The following PLA2G15 variants were observed in gnomAD, a reference collection of about 807,000 sequenced individuals.
The protein encoded by PLA2G15 is phospholipase A2 group XV.
In PLA2G15, 20 loss-of-function variants were observed where a neutral mutation model predicts 40.9. That is an observed-to-expected ratio of 0.49 (90% CI 0.34 to 0.71). The LOEUF (loss-of-function observed/expected upper bound fraction) is 0.71. Ranked by LOEUF, PLA2G15 falls within the 30% of genes least tolerant of loss-of-function variation. The pLI is 0.01. For missense variants in PLA2G15, 471 were observed against 541.9 expected, an observed-to-expected ratio of 0.87 and a Z score of 1.30; for synonymous variants, 223 against 228.2, an observed-to-expected ratio of 0.98 and a Z score of 0.21.
intron 1 of PLA2G15, among the ~76,000 whole-genome samples, 199 bp from the exon 2 acceptor site, chr16:68,249,091 G>T (rs369730138): frequency 2.6e-5 from 4 of 152,192 alleles, no homozygotes; most frequent in Admixed American, 2.6e-4. Context: ...GCACAAAGAT[G>T]GTTCCCTGGC....
At position 68,254,969 on chromosome 16, in the gene PLA2G15, A is replaced by G; in HGVS notation, c.335A>G (p.Asp112Gly). Residue 112 changes from aspartate (D) to glycine (G), a missense_variant, in exon 3 of 6, where the codon GAT becomes GGT. Transcript: ENST00000219345. ...GCCACCCAGTTTCCTGATGGTGTGG[A>G]TGTACGTGTCCCTGGCTTTGGGAAG... ...SRATQFPDGV[D>G]VRVPGFGKTF... 1 of 1,614,048 alleles carries G rather than the reference A, an allele frequency of 6.2e-7. No homozygotes were observed. Among genetic ancestry groups the G allele is most frequent in the African/African-American group, 1.3e-5 (1 of 75,032 alleles).
chr16:68,248,741 A>G, intron 1 of PLA2G15: 1 of 991,798 alleles, frequency 1.0e-6, no homozygotes, highest in Non-Finnish European at 1.2e-6. Flanking sequence ...AGGTTCTGGA[A>G]TGCAAAGGGG....
Position 68,259,226 on chromosome 16 carries a change from C to T in PLA2G15, c.808C>T (p.Leu270=). Residue 270 remains leucine (L), a synonymous_variant, in exon 6 of 6, where the codon CTG becomes TTG. Coordinates refer to ENST00000219345, the MANE Select transcript of PLA2G15 (RefSeq NM_012320.4). The surrounding 1 kb of genome is among the most constrained non-coding windows in gnomAD (Gnocchi z 6.5). ...GTCAGCTGTCTCCACCAGCTGGCTG[C>T]TGCCCTACAACTACACATGGTCACC... ...QRSAVSTSWL[L]PYNYTWSPEK... is the part of the protein sequence containing the mutation. 6.2e-7 allele frequency: 1 copy of T among 1,613,824 alleles called. No individual in the cohort carries two copies. The highest frequency in any genetic ancestry group is 8.5e-7 in the Non-Finnish European group (1 of 1,180,000).
chr16:68,249,218 C>G lies in PLA2G15; in HGVS notation c.128-72C>G, dbSNP rs2042333888. The G allele has an allele frequency of 2.3e-6, 3 of 1,288,596 alleles. No individual in the cohort carries two copies. In the African/African-American group the frequency reaches 4.4e-5, roughly 19 times the overall value. The allele number at this position is 1,288,596 out of a possible 1,614,324, so 79.8% of individuals were successfully genotyped here. On this transcript the variant is annotated intron_variant, in intron 1 of 5. Coordinates refer to ENST00000219345, the MANE Select transcript of PLA2G15 (RefSeq NM_012320.4). ...CTGTGGCTCTTCAGGGGGTCTGCTG[C>G]AGACATCAAAGTTCTTGGGAGTCTT...
rs757822215 is a variant in PLA2G15, at chr16:68,255,947, G to A, written c.684G>A (p.Ala228=). ...KYIRAFVSLG[A]PWGGVAKTLR... is the part of the protein sequence containing the mutation. Reference sequence around the variant, plus strand: ...TCCGGGCCTTCGTGTCACTGGGTGCGCCCTGGGGGGGCGTGGCCAAGACCC... The same window carrying A: ...TCCGGGCCTTCGTGTCACTGGGTGCACCCTGGGGGGGCGTGGCCAAGACCC... Residue 228 remains alanine, a synonymous_variant, in exon 5 of 6, where the codon GCG becomes GCA. Transcript: ENST00000219345. This position sits in a 1 kb window ranked among gnomAD's most constrained non-coding sequence, Gnocchi z 5.9. 2.6e-5 allele frequency: 42 copies of A among 1,611,884 alleles called. No individual in the cohort carries two copies. The South Asian group carries it at 4.0e-4, about 15-fold the overall frequency.
intron 2 of PLA2G15, 185 bp from the exon 3 acceptor site, chr16:68,254,734 C>G: frequency 1.8e-6 from 1 of 567,854 alleles, no homozygotes; most frequent in Non-Finnish European, 3.1e-6. Context: ...CTCAGCCTCC[C>G]TAAGTGCTGG....
intron 2 of PLA2G15, among the ~76,000 whole-genome samples, chr16:68,250,125 G>A (rs2042341282): frequency 6.7e-6 from 1 of 149,682 alleles, no homozygotes; most frequent in South Asian, 2.1e-4. Flanking sequence ...TGTTCTTTTG[G>A]CCTGGAATCT....
intron 1 of PLA2G15, among the ~76,000 whole-genome samples, chr16:68,248,905 C>T (rs1330902652): frequency 1.3e-5 from 2 of 152,182 alleles, no homozygotes; most frequent in Non-Finnish European, 2.9e-5. Flanking sequence ...GGAGTGACTT[C>T]ACCCTGAACC....
At chr16:68,251,789 G>A (rs1457190367) in intron 2 of PLA2G15, among the ~76,000 whole-genome samples, 3 of 152,048 alleles carry the variant, frequency 2.0e-5, no homozygotes, top group Admixed American at 1.3e-4. Flanking sequence ...GAACCTGGGA[G>A]GCAGAGGTTG....
Position 68,255,037 on chromosome 16 carries a change from G to A in PLA2G15, c.403G>A (p.Gly135Ser). Reference sequence around the variant, plus strand: ...CCTGGACCCCAGCAAAAGCAGCGTGGGTATGTAGCCCTTACTCAAGGCCTC... The same window carrying A: ...CCTGGACCCCAGCAAAAGCAGCGTGAGTATGTAGCCCTTACTCAAGGCCTC... ...EFLDPSKSSVGSYFHTMVESL... is the reference protein window; with the variant it reads ...EFLDPSKSSVSSYFHTMVESL... Residue 135 changes from glycine (G) to serine (S), a missense_variant and splice_region_variant, in exon 3 of 6, where the codon GGT becomes AGT. Transcript: ENST00000219345. The surrounding 1 kb of genome is among the most constrained non-coding windows in gnomAD (Gnocchi z 5.9). 6.2e-7 allele frequency: 1 copy of A among 1,600,220 alleles called. No homozygotes were observed. Among genetic ancestry groups the A allele is most frequent in the South Asian group, 1.1e-5 (1 of 90,828 alleles).
Position 68,259,099 on chromosome 16 carries a change from C to T in PLA2G15, c.728-47C>T. ...CCTGGTGGTGAACATGCTGCCCAACCAGCTGGCATTCCTAAGCACAGACTG... is the reference window on the plus strand; with the variant it reads ...CCTGGTGGTGAACATGCTGCCCAACTAGCTGGCATTCCTAAGCACAGACTG... On this transcript the variant is annotated intron_variant, in intron 5 of 5. Transcript: ENST00000219345. The surrounding 1 kb of genome is among the most constrained non-coding windows in gnomAD (Gnocchi z 6.5). The T allele has an allele frequency of 1.3e-6, 2 of 1,547,324 alleles. No homozygotes were observed. Among genetic ancestry groups the T allele is most frequent in the Non-Finnish European group, 1.7e-6 (2 of 1,144,424 alleles).
chr16:68,246,212 C>T (rs1368497102), intron 1 of PLA2G15, among the ~76,000 whole-genome samples: 1 of 152,226 alleles, frequency 6.6e-6, no homozygotes, highest in Non-Finnish European at 1.5e-5. Context: ...TTGGACTAGA[C>T]TATGTGGAGG....
rs2042391911 is a variant in PLA2G15 at position 68,255,356 on chromosome 16, C to T, written c.478C>T (p.Pro160Ser). ...ACGGGGTGAGGATGTCCGAGGGGCT[C>T]CCTATGACTGGCGCCGAGCCCCAAG... ...YTRGEDVRGAPYDWRRAPNEN... is the reference protein window; with the variant it reads ...YTRGEDVRGASYDWRRAPNEN... The change falls in exon 4 of 6, where the codon CCC (proline) becomes TCC (serine). Residue 160 changes from proline to serine, a missense_variant. Coordinates refer to ENST00000219345, the MANE Select transcript of PLA2G15 (RefSeq NM_012320.4). This position sits in a 1 kb window ranked among gnomAD's most constrained non-coding sequence, Gnocchi z 5.9. The T allele has an allele frequency of 6.2e-7, 1 of 1,612,038 alleles. No homozygotes were observed. The highest frequency in any genetic ancestry group is 1.3e-5 in the African/African-American group (1 of 74,740).
At chr16:68,247,554 AC>A (rs2042319413) in intron 1 of PLA2G15, among the ~76,000 whole-genome samples, 1 of 152,046 alleles carries the variant, frequency 6.6e-6, no homozygotes, top group Admixed American at 6.5e-5. Flanking sequence ...TTCCTCTTTT[AC>A]CATTTCCCCT....
intron 2 of PLA2G15, among the ~76,000 whole-genome samples, chr16:68,251,357 A>G (rs1219225739): frequency 1.3e-5 from 2 of 152,146 alleles, no homozygotes; most frequent in African/African-American, 4.8e-5. Context: ...CGCCTGATAA[A>G]TGTTTGAGCT....
intron 1 of PLA2G15, among the ~76,000 whole-genome samples, chr16:68,246,533 G>A (rs962796980): frequency 2.0e-5 from 3 of 152,194 alleles, no homozygotes; most frequent in African/African-American, 7.2e-5. Context: ...GGCAGGTAGG[G>A]TGGTGCCAGG....
chr16:68,249,202 T>TTA, intron 1 of PLA2G15, 88 bp from the exon 2 acceptor site: 1 of 1,071,862 alleles, frequency 9.3e-7, no homozygotes, highest in South Asian at 1.4e-5. Flanking sequence ...TCTGTGGCTC[T>TTA]TCAGGGGGTC....
At chr16:68,254,269 G>C (rs1025353388) in intron 2 of PLA2G15, 1 of 151,288 alleles carries the variant, frequency 6.6e-6, no homozygotes, top group African/African-American at 2.4e-5. Context: ...GCCTTGGTGG[G>C]GTCCTCATTT....
intron 5 of PLA2G15, among the ~76,000 whole-genome samples, chr16:68,257,027 C>T (rs1197258513): frequency 4.0e-5 from 6 of 151,768 alleles, no homozygotes; most frequent in South Asian, 2.1e-4. Context: ...ACTACAGGCG[C>T]GTACCACCAC....
Sources: gnomAD v4.1 joint callset for allele counts (sites outside exome capture counted in the v4.1 genomes callset) on GRCh38, gnomAD v4.1.1 for gene constraint, Gnocchi (gnomAD v3.1) non-coding constraint, MANE v1.5 for transcripts, NCBI Gene and HGNC (gene_info 2026-07-23, HGNC 2026-07-21) for gene names.